Variants in ERBB4 observed in about 807,000 individuals in gnomAD.
The protein encoded by ERBB4 is receptor tyrosine-protein kinase erbB-4.
ERBB4 carries 42 observed loss-of-function variants against 158.0 expected under a neutral mutation model. That is an observed-to-expected ratio of 0.27 (90% CI 0.21 to 0.34). The LOEUF (loss-of-function observed/expected upper bound fraction) is 0.34. Ranked by LOEUF, ERBB4 falls within the 10% of genes least tolerant of loss-of-function variation. ERBB4 has a pLI of 1.00. For synonymous variants in ERBB4, 583 were observed against 558.7 expected, an observed-to-expected ratio of 1.04 and a Z score of -0.61; for missense variants, 1,333 against 1,624.1, an observed-to-expected ratio of 0.82 and a Z score of 3.08.
At chr2:211,653,841 A>AT (rs545249942) in intron 16 of ERBB4, among the ~76,000 whole-genome samples, 17 of 151,710 alleles carry the variant, frequency 1.1e-4, no homozygotes, top group East Asian at 3.9e-4. Context: ...CGCCCGGCTA[A>AT]TTTTTTGTAT....
At chr2:211,661,944 C>T (rs1434124126) in intron 15 of ERBB4, among the ~76,000 whole-genome samples, 1 of 140,702 alleles carries the variant, frequency 7.1e-6, no homozygotes, top group African/African-American at 2.6e-5. Flanking sequence ...GAGGCTGAGG[C>T]AGGAGAATGG....
intron 20 of ERBB4, among the ~76,000 whole-genome samples, chr2:211,536,554 G>A (rs1228565465): frequency 6.6e-6 from 1 of 151,846 alleles, no homozygotes; most frequent in African/African-American, 2.4e-5. Flanking sequence ...TGGGCAGTGT[G>A]GGAAAATAGG....
intron 20 of ERBB4, among the ~76,000 whole-genome samples, chr2:211,531,424 G>A (rs2066496165): frequency 6.6e-6 from 1 of 151,984 alleles, no homozygotes; most frequent in Non-Finnish European, 1.5e-5. Flanking sequence ...CATCTGACAA[G>A]GGATTAATAA....
At chr2:212,261,438 A>T (rs1331883214) in intron 1 of ERBB4, among the ~76,000 whole-genome samples, 3 of 152,188 alleles carry the variant, frequency 2.0e-5, no homozygotes, top group Non-Finnish European at 4.4e-5. Flanking sequence ...GCATCCCTGA[A>T]AAAAAGAAAT....
At chr2:211,947,313 G>A in intron 3 of ERBB4, 117 bp downstream of exon 3, 2 of 819,042 alleles carry the variant, frequency 2.4e-6, no homozygotes, top group Non-Finnish European at 4.0e-6. Flanking sequence ...ATAAATCACT[G>A]ATATTTAAAT....
chr2:211,657,732 A>G, intron 16 of ERBB4, 22 bp downstream of exon 16: 3 of 1,594,286 alleles, frequency 1.9e-6, no homozygotes, highest in Non-Finnish European at 2.6e-6. Context: ...GAGCGACAAA[A>G]TGGAAACATG....
chr2:212,454,359 T>G (rs1231751877), intron 1 of ERBB4, among the ~76,000 whole-genome samples: 1 of 152,210 alleles, frequency 6.6e-6, no homozygotes, highest in Non-Finnish European at 1.5e-5. Context: ...ACCCAAAACA[T>G]GCTGTCATAT....
intron 2 of ERBB4, among the ~76,000 whole-genome samples, chr2:212,089,570 T>G (rs1483275427): frequency 6.6e-6 from 1 of 152,156 alleles, no homozygotes; most frequent in Non-Finnish European, 1.5e-5. Context: ...TGAGATCTGG[T>G]TGTTTAAAAG....
intron 3 of ERBB4, among the ~76,000 whole-genome samples, chr2:211,929,234 AGTGT>A (rs10542155): frequency 0.3 from 44,866 of 148,044 alleles, 6,838 homozygotes; most frequent in East Asian, 0.5. Context: ...CTTTGGAATA[AGTGT>A]GTGTGTGTGT....
chr2:212,513,586 G>A (rs764565094), intron 1 of ERBB4, among the ~76,000 whole-genome samples: 12 of 152,178 alleles, frequency 7.9e-5, no homozygotes, highest in Non-Finnish European at 1.0e-4. Flanking sequence ...GCCGAGGCGG[G>A]TGGATCAAGA....
chr2:211,561,617 C>A, intron 20 of ERBB4: 1 of 426,148 alleles, frequency 2.3e-6, no homozygotes, highest in Non-Finnish European at 4.4e-6. Flanking sequence ...ACAAATAAGC[C>A]AAACAAATCC....
chr2:212,319,297 G>T (rs1279622614), intron 1 of ERBB4, among the ~76,000 whole-genome samples: 1 of 138,418 alleles, frequency 7.2e-6, no homozygotes, highest in African/African-American at 2.5e-5. Context: ...TCCCGCAGGA[G>T]TCTAAGTTTT....
chr2:212,147,532 G>A (rs1291497737), intron 1 of ERBB4, among the ~76,000 whole-genome samples: 1 of 151,770 alleles, frequency 6.6e-6, no homozygotes, highest in Non-Finnish European at 1.5e-5. Context: ...AAAGCACACA[G>A]GATAAAACTC....
At chr2:211,563,782 A>T (rs926598483) in intron 19 of ERBB4, among the ~76,000 whole-genome samples, 29 of 137,484 alleles carry the variant, frequency 2.1e-4, no homozygotes, top group African/African-American at 1.0e-3. Flanking sequence ...AGAGAGATAT[A>T]TAATATATGT....
rs144789376 is a variant in ERBB4 at position 211,623,729 on chromosome 2, A to C, written c.2202+193T>G. On this transcript the variant is annotated intron_variant, in intron 18 of 27. Coordinates refer to ENST00000342788, the MANE Select transcript of ERBB4 (RefSeq NM_005235.3). Reference sequence around the variant, plus strand: ...CAGAGTTTCTTGCTTTTCTCTCAAGACTGTATCCGTCCCAGCTCATTCAAT... The same window carrying C: ...CAGAGTTTCTTGCTTTTCTCTCAAGCCTGTATCCGTCCCAGCTCATTCAAT... Among the ~76,000 whole-genome samples, 3 of 152,280 alleles carry C rather than the reference A, an allele frequency of 2.0e-5. No individual in the cohort carries two copies. The East Asian group carries it at 5.8e-4, about 29-fold the overall frequency.
chr2:212,259,983 C>T (rs1238966142), intron 1 of ERBB4, among the ~76,000 whole-genome samples: 5 of 151,278 alleles, frequency 3.3e-5, no homozygotes, highest in African/African-American at 9.7e-5. Flanking sequence ...GCAGGAGAAT[C>T]GCTTGAACCC....
chr2:211,760,938 T>C (rs1291573136), intron 4 of ERBB4, among the ~76,000 whole-genome samples: 3 of 152,030 alleles, frequency 2.0e-5, no homozygotes, highest in Non-Finnish European at 4.4e-5. Flanking sequence ...GGGCGTGGTG[T>C]CTCACGCCTA....
At chr2:212,404,527 GATA>G (rs2091292497) in intron 1 of ERBB4, among the ~76,000 whole-genome samples, 1 of 152,170 alleles carries the variant, frequency 6.6e-6, no homozygotes, top group Admixed American at 6.6e-5. Flanking sequence ...AGGGAAAACA[GATA>G]ATAAGTTTTT....
chr2:212,030,842 C>G (rs17415489), intron 2 of ERBB4, among the ~76,000 whole-genome samples: 12,192 of 152,026 alleles, frequency 0.08, 690 homozygotes, highest in Non-Finnish European at 0.12. Context: ...AACCATCAGT[C>G]GTGGGTAGTT....
Sources: allele counts gnomAD v4.1 joint callset (sites outside exome capture counted in the v4.1 genomes callset), GRCh38; gene constraint gnomAD v4.1.1; transcripts MANE v1.5; gene names NCBI Gene and HGNC (gene_info 2026-07-23, HGNC 2026-07-21).